Variants in WASL observed in about 807,000 individuals in gnomAD.
The protein encoded by WASL is actin nucleation-promoting factor WASL.
Under a neutral mutation model 55.5 loss-of-function variants are expected in WASL, and 20 were observed. The observed-to-expected ratio is 0.36, with a 90% confidence interval of 0.25 to 0.52. The LOEUF (loss-of-function observed/expected upper bound fraction) is 0.52, where lower values mean the gene tolerates loss of function less well. WASL is among the 20% of genes least tolerant of loss of function. The probability of loss-of-function intolerance (pLI) is 0.92; values close to 1 mark genes in which losing one functional copy is unlikely to be tolerated. For synonymous variants in WASL, 249 were observed against 217.6 expected (o/e 1.14, Z -1.27); for missense variants, 504 against 622.5 (o/e 0.81, Z 2.03).
In WASL at chr7:123,696,563, A is replaced by C. The variant is rs778559437; in HGVS notation, c.629+16T>G. The C allele has an allele frequency of 6.5e-7, 1 of 1,545,768 alleles. No homozygotes were observed. Among genetic ancestry groups the C allele is most frequent in the Non-Finnish European group, 8.7e-7 (1 of 1,150,632 alleles). On this transcript the variant is annotated intron_variant, in intron 6 of 10. Coordinates refer to ENST00000223023, the MANE Select transcript of WASL (RefSeq NM_003941.4). ...AATCAAAAGTGAAGATAAGAACAAC[A>C]AAAGAACTGTCTTACTGGAAATTGC...
intron 1 of WASL, among the ~76,000 whole-genome samples, chr7:123,730,237 C>CAGAA (rs762312901): frequency 1.1e-3 from 169 of 152,172 alleles, no homozygotes; most frequent in Middle Eastern, 3.4e-3. Context: ...TGATAGAGGT[C>CAGAA]AGAAACTTGA....
At chr7:123,700,194 A>C (rs1328920435) in intron 5 of WASL, among the ~76,000 whole-genome samples, 19 of 148,880 alleles carry the variant, frequency 1.3e-4, no homozygotes, top group African/African-American at 4.2e-4. Flanking sequence ...AAAAAAAAAA[A>C]AAAAAAAAAA....
At chr7:123,742,262 A>G (rs1463150904) in intron 1 of WASL, among the ~76,000 whole-genome samples, 1 of 152,258 alleles carries the variant, frequency 6.6e-6, no homozygotes. Flanking sequence ...TTTGGGTTTC[A>G]GAAAAGTTCT....
At chr7:123,691,534 T>A (rs974850863) in intron 9 of WASL, among the ~76,000 whole-genome samples, 1 of 152,192 alleles carries the variant, frequency 6.6e-6, no homozygotes, top group African/African-American at 2.4e-5. Context: ...CACAAGCATG[T>A]CCATTCATTT....
chr7:123,720,292 A>G (rs1283967384), intron 1 of WASL: 1 of 430,166 alleles, frequency 2.3e-6, no homozygotes, highest in East Asian at 7.0e-5. Flanking sequence ...AAAAATACAC[A>G]CTCATTAAAT....
chr7:123,700,203 A>AAAAAAAAC (rs1562959037), intron 5 of WASL, among the ~76,000 whole-genome samples: 2 of 71,996 alleles, frequency 2.8e-5, no homozygotes, highest in African/African-American at 1.0e-4. Flanking sequence ...AAAAAAAAAA[A>AAAAAAAAC]AAAACAACAT....
chr7:123,702,170 C>T (rs1420293517), intron 5 of WASL, among the ~76,000 whole-genome samples: 8 of 151,952 alleles, frequency 5.3e-5, no homozygotes, highest in Non-Finnish European at 5.9e-5. Flanking sequence ...ATTCTCCTGC[C>T]TCAGCCTCCC....
At position 123,689,155 on chromosome 7, in the gene WASL, GA is replaced by G; in HGVS notation, c.1348-6del. 1 of 1,609,696 alleles carries G rather than the reference GA, an allele frequency of 6.2e-7. No individual in the cohort carries two copies. Among genetic ancestry groups the G allele is most frequent in the Non-Finnish European group, 8.5e-7 (1 of 1,176,904 alleles). On this transcript the variant is annotated splice_polypyrimidine_tract_variant and splice_region_variant and intron_variant, in intron 9 of 10. Coordinates refer to ENST00000223023, the MANE Select transcript of WASL (RefSeq NM_003941.4). ...AGACTCTTGGCCATCAGCCACCTTG[GA>G]AAAGAAAGTTAGCAAAACTCAGTAA...
chr7:123,709,859 C>T (rs1236811110), intron 1 of WASL, among the ~76,000 whole-genome samples: 1 of 152,154 alleles, frequency 6.6e-6, no homozygotes, highest in Non-Finnish European at 1.5e-5. Context: ...GTGATTTGCA[C>T]AAGTGGCCAC....
At chr7:123,724,225 G>C (rs1189546173) in intron 1 of WASL, among the ~76,000 whole-genome samples, 1 of 152,160 alleles carries the variant, frequency 6.6e-6, no homozygotes, top group Non-Finnish European at 1.5e-5. Flanking sequence ...CTATTTCTTA[G>C]TCTGGGGCAA....
intron 1 of WASL, among the ~76,000 whole-genome samples, chr7:123,709,593 C>G (rs1803724080): frequency 6.6e-6 from 1 of 152,142 alleles, no homozygotes; most frequent in Admixed American, 6.6e-5. Flanking sequence ...CAATACCACA[C>G]AGCTAAATGG....
Position 123,695,358 on chromosome 7 carries a change from T to G in WASL, c.672+465A>C, listed in dbSNP as rs900949560. Reference sequence around the variant, plus strand: ...ACTCCAATCACAAATAATATCTCTTTAAAATAATGCATCCAAACGCTGATT... The same window carrying G: ...ACTCCAATCACAAATAATATCTCTTGAAAATAATGCATCCAAACGCTGATT... On this transcript the variant is annotated intron_variant, in intron 7 of 10. Coordinates refer to ENST00000223023, the MANE Select transcript of WASL (RefSeq NM_003941.4). Among the ~76,000 whole-genome samples, 7 of 152,134 alleles carry G rather than the reference T, an allele frequency of 4.6e-5. No homozygotes were observed. In the South Asian group the frequency reaches 1.4e-3, roughly 31 times the overall value.
intron 1 of WASL, 94 bp downstream of exon 1, chr7:123,748,524 G>A (rs1804481773): frequency 2.2e-6 from 3 of 1,385,426 alleles, no homozygotes; most frequent in East Asian, 2.5e-5. Flanking sequence ...GGCCCGCGCC[G>A]CTCCCGCCTC....
chr7:123,715,484 A>G (rs1803826397), intron 1 of WASL, among the ~76,000 whole-genome samples: 1 of 152,226 alleles, frequency 6.6e-6, no homozygotes, highest in African/African-American at 2.4e-5. Context: ...GCAACAACAG[A>G]TAACAGATGT....
intron 2 of WASL, among the ~76,000 whole-genome samples, chr7:123,708,264 A>C (rs983977579): frequency 8.5e-5 from 13 of 152,306 alleles, no homozygotes; most frequent in Non-Finnish European, 1.8e-4. Flanking sequence ...GAAATACCTC[A>C]TAACAAACCA....
At position 123,744,172 on chromosome 7, in the gene WASL, CACAA is replaced by C. The variant is rs755618865; in HGVS notation, c.117+4442_117+4445del. Among the ~76,000 whole-genome samples, 7 of 152,270 alleles carry C rather than the reference CACAA, an allele frequency of 4.6e-5. No homozygotes were observed. The East Asian group carries it at 7.7e-4, about 17-fold the overall frequency. ...CCTACCCAACAGGTCTGATTTAGAA[CACAA>C]ACAAACTACTGTTAGACAACTGTTA... is the stretch of plus-strand genomic sequence containing the variant. On this transcript the variant is annotated intron_variant, in intron 1 of 10. Transcript: ENST00000223023.
chr7:123,707,998 CA>C (rs1306243772), intron 2 of WASL, among the ~76,000 whole-genome samples: 1 of 151,994 alleles, frequency 6.6e-6, no homozygotes, highest in African/African-American at 2.4e-5. Context: ...CCAGGCTGGG[CA>C]AAACAGCAGA....
At chr7:123,703,764 G>T (rs934929190) in intron 5 of WASL, among the ~76,000 whole-genome samples, 3 of 152,160 alleles carry the variant, frequency 2.0e-5, no homozygotes, top group Admixed American at 6.5e-5. Flanking sequence ...TCTGTATTAT[G>T]TAAGTTTTCC....
intron 1 of WASL, among the ~76,000 whole-genome samples, chr7:123,738,428 C>T (rs185148350): frequency 1.3e-5 from 2 of 152,292 alleles, no homozygotes; most frequent in East Asian, 3.9e-4. Context: ...TTGAGCTTGA[C>T]ACCTTCACAG....
Sources: gnomAD v4.1 joint callset for allele counts (sites outside exome capture counted in the v4.1 genomes callset) on GRCh38, gnomAD v4.1.1 for gene constraint, MANE v1.5 for transcripts, NCBI Gene and HGNC (gene_info 2026-07-23, HGNC 2026-07-21) for gene names.